Variants in ANKRD17 observed in about 807,000 individuals in gnomAD.
ANKRD17 encodes the protein ankyrin repeat domain 17, also known as ankyrin repeat domain-containing protein 17.
A neutral mutation model predicts 229.7 loss-of-function variants in ANKRD17; 19 were observed. That is an observed-to-expected ratio of 0.08 (90% CI 0.06 to 0.12). The LOEUF (loss-of-function observed/expected upper bound fraction) is 0.12. ANKRD17 is among the 10% of genes least tolerant of loss of function. ANKRD17 has a pLI of 1.00. For missense variants in ANKRD17, 2,176 were observed against 3,176.8 expected (o/e 0.68, Z 7.57); for synonymous variants, 1,112 against 1,146.1 (o/e 0.97, Z 0.60).
chr4:73,155,594 T>C (rs1387458992), intron 5 of ANKRD17, 37 bp downstream of exon 5: 5 of 1,608,240 alleles, frequency 3.1e-6, no homozygotes, highest in Non-Finnish European at 4.3e-6. Context: ...CAAATGATGT[T>C]ACTATGTAGT....
In ANKRD17 at chr4:73,076,182, G is replaced by A. The variant is rs1720983226; in HGVS notation, c.*49C>T. On this transcript the variant is annotated 3_prime_UTR_variant, in exon 34 of 34. Coordinates refer to ENST00000358602, the MANE Select transcript of ANKRD17 (RefSeq NM_032217.5). ...ATAATTTTTTTTTTCGGCCACTTGT[G>A]ATTTCCTCCAAATGAAAAGGAATCT... The A allele has an allele frequency of 4.5e-6, 7 of 1,553,300 alleles. No individual in the cohort carries two copies. The African/African-American group carries it at 5.6e-5, about 12-fold the overall frequency.
chr4:73,147,215 C>A (rs763785388), intron 9 of ANKRD17, 26 bp downstream of exon 9: 2 of 1,507,624 alleles, frequency 1.3e-6, no homozygotes, highest in Non-Finnish European at 1.8e-6. Flanking sequence ...ATGTAAAAAA[C>A]TTCTCCCAAA....
chr4:73,233,954 T>G (rs902839404), intron 1 of ANKRD17, among the ~76,000 whole-genome samples: 2 of 152,158 alleles, frequency 1.3e-5, no homozygotes, highest in African/African-American at 4.8e-5. Context: ...TTTCCATTCA[T>G]TTTGGTTACT....
chr4:73,124,033 A>C (rs1727107637), intron 18 of ANKRD17, among the ~76,000 whole-genome samples: 1 of 152,102 alleles, frequency 6.6e-6, no homozygotes, highest in South Asian at 2.1e-4. Flanking sequence ...CTGAAGATAG[A>C]AAAGGTTAAA....
At chr4:73,159,073 C>T (rs1732159330) in intron 3 of ANKRD17, among the ~76,000 whole-genome samples, 1 of 152,224 alleles carries the variant, frequency 6.6e-6, no homozygotes. Flanking sequence ...TTATTATGTG[C>T]AATACTATAT....
At chr4:73,163,396 G>A (rs1420289837) in intron 2 of ANKRD17, among the ~76,000 whole-genome samples, 1 of 152,192 alleles carries the variant, frequency 6.6e-6, no homozygotes, top group East Asian at 1.9e-4. Flanking sequence ...TGTCAGAAAT[G>A]CAGAATCTCA....
intron 1 of ANKRD17, among the ~76,000 whole-genome samples, chr4:73,220,368 G>T (rs75749513): frequency 0.015 from 2,288 of 152,092 alleles, 27 homozygotes; most frequent in Middle Eastern, 0.024. Flanking sequence ...TTACTGCCTG[G>T]ATTATTTGAA....
At chr4:73,144,891 T>C in intron 10 of ANKRD17, 59 bp from the exon 11 acceptor site, 5 of 1,249,680 alleles carry the variant, frequency 4.0e-6, no homozygotes, top group East Asian at 2.4e-5. Context: ...AGTATTCTTT[T>C]TCATGGAAAT....
intron 1 of ANKRD17, among the ~76,000 whole-genome samples, chr4:73,252,619 AAT>A (rs1158313907): frequency 2.0e-5 from 3 of 152,206 alleles, no homozygotes; most frequent in Non-Finnish European, 4.4e-5. Flanking sequence ...TCTTTTGTTT[AAT>A]ATCAGAGGAT....
intron 1 of ANKRD17, among the ~76,000 whole-genome samples, chr4:73,227,829 T>C (rs1376752838): frequency 6.6e-6 from 1 of 152,166 alleles, no homozygotes; most frequent in African/African-American, 2.4e-5. Context: ...AGAAATGTGC[T>C]GACAAGCAAG....
chr4:73,238,618 CTGGTTATCCTACT>C lies in ANKRD17; in HGVS notation c.393+19645_393+19657del, dbSNP rs146422436. 3.8e-3 allele frequency among the ~76,000 whole-genome samples: 575 copies of C among 152,184 alleles called. 2 individuals are homozygous for C. The highest frequency in any genetic ancestry group is 0.013 in the African/African-American group (547 of 41,534). ...ACCCTCCTTACTCCATCATTTCTCT[CTGGTTATCCTACT>C]TGGGGATAGGTCACTATACATAAAT... On this transcript the variant is annotated intron_variant, in intron 1 of 33. Coordinates refer to ENST00000358602, the MANE Select transcript of ANKRD17 (RefSeq NM_032217.5).
chr4:73,114,488 G>T (rs1053448585), intron 23 of ANKRD17, among the ~76,000 whole-genome samples: 1 of 151,622 alleles, frequency 6.6e-6, no homozygotes, highest in East Asian at 1.9e-4. Context: ...TTGCCATGTT[G>T]CCCAGGCTTA....
intron 1 of ANKRD17, among the ~76,000 whole-genome samples, chr4:73,242,651 A>C (rs1362665880): frequency 1.3e-5 from 2 of 152,244 alleles, no homozygotes; most frequent in African/African-American, 4.8e-5. Flanking sequence ...TTGAGAAAGA[A>C]GCTCAATGAG....
chr4:73,250,615 A>AAAAAAAAC (rs1744925705), intron 1 of ANKRD17, among the ~76,000 whole-genome samples: 4 of 138,386 alleles, frequency 2.9e-5, no homozygotes, highest in Non-Finnish European at 6.3e-5. Flanking sequence ...AAAAAAAAAA[A>AAAAAAAAC]CAGAAAAAAA....
intron 16 of ANKRD17, among the ~76,000 whole-genome samples, chr4:73,134,130 T>C (rs1234821511): frequency 6.6e-6 from 1 of 152,170 alleles, no homozygotes; most frequent in Non-Finnish European, 1.5e-5. Flanking sequence ...ATAAAATTCC[T>C]TTTTCATAGT....
At chr4:73,076,463 C>T (rs1226987847) in intron 33 of ANKRD17, among the ~76,000 whole-genome samples, 173 bp from the exon 34 acceptor site, 1 of 151,798 alleles carries the variant, frequency 6.6e-6, no homozygotes, top group Admixed American at 6.6e-5. Flanking sequence ...ATCCCTCAAA[C>T]AGAATCTGAT....
intron 1 of ANKRD17, among the ~76,000 whole-genome samples, chr4:73,249,257 T>C (rs1329606271): frequency 1.3e-5 from 2 of 152,326 alleles, no homozygotes; most frequent in Admixed American, 1.3e-4. Flanking sequence ...TTCACTTTCG[T>C]ATTTTTCTTT....
intron 2 of ANKRD17, among the ~76,000 whole-genome samples, chr4:73,170,702 C>G (rs1015137067): frequency 6.6e-6 from 1 of 152,154 alleles, no homozygotes; most frequent in Non-Finnish European, 1.5e-5. Context: ...CTGAAGAGCC[C>G]TTGGGCTTTA....
chr4:73,113,679 T>C (rs1283876318), intron 24 of ANKRD17, 113 bp downstream of exon 24: 1 of 850,854 alleles, frequency 1.2e-6, no homozygotes, highest in Non-Finnish European at 1.9e-6. Context: ...AAAGAAATCA[T>C]GTACGTAATT....
Sources: allele counts gnomAD v4.1 joint callset (sites outside exome capture counted in the v4.1 genomes callset), GRCh38; gene constraint gnomAD v4.1.1; transcripts MANE v1.5; gene names NCBI Gene and HGNC (gene_info 2026-07-23, HGNC 2026-07-21).